The following PXDNL variants were observed in gnomAD, a reference collection of about 807,000 sequenced individuals.
PXDNL encodes the protein peroxidasin like.
A neutral mutation model predicts 150.8 loss-of-function variants in PXDNL; 145 were observed. That is an observed-to-expected ratio of 0.96 (90% CI 0.84 to 1.10). PXDNL has a LOEUF of 1.10. PXDNL is among the 50% of genes least tolerant of loss of function. The probability of loss-of-function intolerance (pLI) is 0.00; values close to 1 mark genes in which losing one functional copy is unlikely to be tolerated. For missense variants in PXDNL, 2,087 were observed against 1,873.9 expected (o/e 1.11, Z -2.10); for synonymous variants, 757 against 725.7 (o/e 1.04, Z -0.69).
intron 2 of PXDNL, among the ~76,000 whole-genome samples, chr8:51,628,514 T>C (rs1009396166): frequency 4.7e-5 from 7 of 148,636 alleles, no homozygotes; most frequent in African/African-American, 1.5e-4. Flanking sequence ...CAAGCAATTA[T>C]CCTGCCTCAG....
At chr8:51,686,477 G>A (rs563959600) in intron 1 of PXDNL, among the ~76,000 whole-genome samples, 1 of 151,982 alleles carries the variant, frequency 6.6e-6, no homozygotes, top group Non-Finnish European at 1.5e-5. Flanking sequence ...TTCCCCAATC[G>A]GGGGGGCAAG....
Position 51,581,303 on chromosome 8 carries a change from A to G in PXDNL, c.308+11324T>C, listed in dbSNP as rs1469620251. 3.9e-5 allele frequency among the ~76,000 whole-genome samples: 6 copies of G among 152,172 alleles called. No individual in the cohort carries two copies. The South Asian group carries it at 8.3e-4, about 21-fold the overall frequency. On this transcript the variant is annotated intron_variant, in intron 3 of 22. Coordinates refer to ENST00000356297, the MANE Select transcript of PXDNL (RefSeq NM_144651.5). ...GGAGTTCAAGACCAGCATGGACAAC[A>G]TGGCAAAACCCTATCTCTACTAAAA... is the stretch of plus-strand genomic sequence containing the variant.
At chr8:51,752,690 T>C (rs576008360) in intron 1 of PXDNL, among the ~76,000 whole-genome samples, 1 of 152,298 alleles carries the variant, frequency 6.6e-6, no homozygotes, top group Non-Finnish European at 1.5e-5. Flanking sequence ...ATTTTCCTAA[T>C]GCCCATCTTA....
At chr8:51,594,074 C>T (rs1813508640) in intron 2 of PXDNL, among the ~76,000 whole-genome samples, 1 of 152,126 alleles carries the variant, frequency 6.6e-6, no homozygotes, top group South Asian at 2.1e-4. Context: ...TGTTAGTTTC[C>T]CAAACCACCA....
At chr8:51,418,067 TGA>T (rs1295968905) in intron 14 of PXDNL, among the ~76,000 whole-genome samples, 36 of 152,222 alleles carry the variant, frequency 2.4e-4, no homozygotes, top group Admixed American at 2.2e-3. Flanking sequence ...GTTAAAATTT[TGA>T]GAGCATTTAT....
intron 5 of PXDNL, among the ~76,000 whole-genome samples, chr8:51,485,464 C>T (rs1483599379): frequency 1.3e-5 from 2 of 152,224 alleles, no homozygotes; most frequent in Non-Finnish European, 2.9e-5. Context: ...CTACATTGTC[C>T]GATTTTAGCA....
chr8:51,674,715 C>T (rs556438263), intron 1 of PXDNL, among the ~76,000 whole-genome samples: 2 of 152,302 alleles, frequency 1.3e-5, no homozygotes, highest in South Asian at 2.1e-4. Flanking sequence ...ATACCCATCA[C>T]GGCAGCAAAA....
rs1806140702 is a variant in PXDNL, at chr8:51,345,915, T to C, written c.3934A>G (p.Thr1312Ala). ...GAGCGTTTCTTTTGAGACTCTTGCGTCACTGCTCTGAACTGTCCTCTACTC... is the reference window on the plus strand; with the variant it reads ...GAGCGTTTCTTTTGAGACTCTTGCGCCACTGCTCTGAACTGTCCTCTACTC... Reference protein sequence around the residue: ...CRSRGQFRAVTQESQKKRSAQ... With the variant: ...CRSRGQFRAVAQESQKKRSAQ... Residue 1312 changes from threonine (T) to alanine (A), a missense_variant, in exon 20 of 23, where the codon ACG (threonine) becomes GCG (alanine). Transcript: ENST00000356297. The C allele has an allele frequency of 6.2e-7, 1 of 1,613,592 alleles. No homozygotes were observed. Among genetic ancestry groups the C allele is most frequent in the Non-Finnish European group, 8.5e-7 (1 of 1,179,522 alleles).
chr8:51,594,090 C>A (rs923033941), intron 2 of PXDNL, among the ~76,000 whole-genome samples: 1 of 152,166 alleles, frequency 6.6e-6, no homozygotes, highest in Non-Finnish European at 1.5e-5. Context: ...CACCACCATG[C>A]AAATATATTT....
intron 5 of PXDNL, among the ~76,000 whole-genome samples, chr8:51,491,311 A>G (rs762286276): frequency 6.6e-5 from 10 of 152,070 alleles, no homozygotes; most frequent in Non-Finnish European, 1.2e-4. Context: ...ACCCTAATAC[A>G]CTAGACAATT....
intron 3 of PXDNL, among the ~76,000 whole-genome samples, chr8:51,564,608 C>T (rs570432358): frequency 6.6e-6 from 1 of 151,172 alleles, no homozygotes. Flanking sequence ...ATGAGTCCAC[C>T]GAGATAAGGG....
At chr8:51,780,625 CCT>C (rs1258974086) in intron 1 of PXDNL, among the ~76,000 whole-genome samples, 2 of 148,442 alleles carry the variant, frequency 1.3e-5, no homozygotes, top group Admixed American at 1.3e-4. Context: ...CTCTCTGGGG[CCT>C]CTTTCTTTTT....
In PXDNL at chr8:51,577,923, A is replaced by AAAAG. The variant is rs1234489822; in HGVS notation, c.308+14700_308+14703dup. On this transcript the variant is annotated intron_variant, in intron 3 of 22. Coordinates refer to ENST00000356297, the MANE Select transcript of PXDNL (RefSeq NM_144651.5). ...AGAAAGAAAGAGAAAGAAAAGAAAG[A>AAAAG]AAAGAAAGAAAGAAAGAAAGAAAGA... Among the ~76,000 whole-genome samples, 236 of 42,370 alleles carry AAAAG rather than the reference A, an allele frequency of 5.6e-3. 7 individuals carry two copies. The highest frequency in any genetic ancestry group is 0.011 in the East Asian group (19 of 1,758). The allele number at this position is 42,370 out of a possible 152,430, so 27.8% of individuals were successfully genotyped here.
rs746902104 is a variant in PXDNL at position 51,499,770 on chromosome 8, C to G, written c.381G>C (p.Leu127=). ...TTTCTAGTTGGTTGAAATGAATATA[C>G]CTGGAAGGCAAAAAATCAAGTTGGT... is the stretch of plus-strand genomic sequence containing the variant. ...TFKGLISLEH[L]YIHFNQLEML... Residue 127 remains leucine (L), a splice_region_variant and synonymous_variant, in exon 5 of 23, where the codon CTG becomes CTC. Coordinates refer to ENST00000356297, the MANE Select transcript of PXDNL (RefSeq NM_144651.5). The G allele has an allele frequency of 1.2e-6, 2 of 1,609,378 alleles. No individual in the cohort carries two copies. The highest frequency in any genetic ancestry group is 2.2e-5 in the East Asian group (1 of 44,680).
chr8:51,647,492 C>T (rs1158197186), intron 2 of PXDNL, among the ~76,000 whole-genome samples: 1 of 152,124 alleles, frequency 6.6e-6, no homozygotes. Flanking sequence ...CTGTGCAAGC[C>T]TTTTGAAAAA....
At chr8:51,655,286 C>A (rs925603007) in intron 1 of PXDNL, among the ~76,000 whole-genome samples, 1 of 152,186 alleles carries the variant, frequency 6.6e-6, no homozygotes, top group African/African-American at 2.4e-5. Context: ...TACTCCACAA[C>A]CAACATTCTC....
intron 12 of PXDNL, among the ~76,000 whole-genome samples, chr8:51,429,041 G>T (rs1039370737): frequency 3.3e-5 from 1 of 30,294 alleles, no homozygotes; most frequent in South Asian, 1.3e-3. Context: ...ACATTGTACT[G>T]TAGAGGATAT....
rs561325249 is a variant in PXDNL, at chr8:51,766,009, A to G, written c.164+43172T>C. Among the ~76,000 whole-genome samples, 26 of 152,060 alleles carry G rather than the reference A, an allele frequency of 1.7e-4. 1 individual carries two copies. The highest frequency in any genetic ancestry group is 2.9e-4 in the Non-Finnish European group (20 of 67,982). On this transcript the variant is annotated intron_variant, in intron 1 of 22. Transcript: ENST00000356297. ...CAGGCGCCCGCCACCATGCCCGCCT[A>G]ATTTTTTGTATTTTTTAGTAGAGAC...
intron 4 of PXDNL, among the ~76,000 whole-genome samples, chr8:51,521,769 AG>A (rs1811669560): frequency 6.6e-6 from 1 of 152,186 alleles, no homozygotes; most frequent in East Asian, 1.9e-4. Flanking sequence ...GAAAGAAAAA[AG>A]AAAAAAAGAT....
Sources: gnomAD v4.1 joint callset for allele counts (sites outside exome capture counted in the v4.1 genomes callset) on GRCh38, gnomAD v4.1.1 for gene constraint, MANE v1.5 for transcripts, NCBI Gene and HGNC (gene_info 2026-07-23, HGNC 2026-07-21) for gene names.